Variants in CNR1 observed in about 807,000 individuals in gnomAD.
The protein encoded by CNR1 is cannabinoid receptor 1 (brain).
CNR1 carries 10 observed loss-of-function variants against 23.0 expected under a neutral mutation model. That is an observed-to-expected ratio of 0.43 (90% CI 0.27 to 0.74). The LOEUF is 0.74. Ranked by LOEUF, CNR1 falls within the 30% of genes least tolerant of loss-of-function variation. CNR1 has a pLI of 0.19. For synonymous variants in CNR1, 271 were observed against 255.2 expected (o/e 1.06, Z -0.59); for missense variants, 422 against 618.8 (o/e 0.68, Z 3.37).
chr6:88,153,894 A>G (rs1046002481), intron 1 of CNR1, among the ~76,000 whole-genome samples: 3 of 152,166 alleles, frequency 2.0e-5, no homozygotes, highest in Non-Finnish European at 2.9e-5. Context: ...GTCTTTTCTA[A>G]CTCTTACCTA....
intron 1 of CNR1, 173 bp from the exon 2 acceptor site, chr6:88,145,510 A>G (rs1777134274): frequency 1.9e-6 from 1 of 517,546 alleles, no homozygotes. Context: ...TCACTCAGAG[A>G]AAAGCTCCCC....
At chr6:88,154,444 G>A (rs973181498) in intron 1 of CNR1, among the ~76,000 whole-genome samples, 1 of 152,198 alleles carries the variant, frequency 6.6e-6, no homozygotes, top group African/African-American at 2.4e-5. Flanking sequence ...AAAATCATTT[G>A]TTGATCTGTA....
intron 1 of CNR1, among the ~76,000 whole-genome samples, chr6:88,154,018 T>C (rs1032390562): frequency 2.0e-5 from 3 of 152,198 alleles, no homozygotes; most frequent in African/African-American, 7.2e-5. Context: ...CAAAAATACA[T>C]AATCTTTTTT....
In CNR1 at chr6:88,140,122, A is replaced by G. The variant is rs547331392; in HGVS notation, c.*3734T>C. The G allele has an allele frequency of 6.5e-6, 1 of 152,928 alleles. No homozygotes were observed. Among genetic ancestry groups the G allele is most frequent in the African/African-American group, 2.4e-5 (1 of 41,576 alleles). The allele number at this position is 152,928 out of a possible 1,614,324, so 9.5% of individuals were successfully genotyped here. Reference sequence around the variant, plus strand: ...TATTATACAGATTACTAACGAAGATATTGCAGTGGTTGCAACGATGTTACC... The same window carrying G: ...TATTATACAGATTACTAACGAAGATGTTGCAGTGGTTGCAACGATGTTACC... On this transcript the variant is annotated 3_prime_UTR_variant, in exon 2 of 2. Coordinates refer to ENST00000369501, the MANE Select transcript of CNR1 (RefSeq NM_016083.6).
At chr6:88,166,698 G>T (rs1778383715), upstream of CNR1, among the ~76,000 whole-genome samples, 1 of 152,168 alleles carries the variant, frequency 6.6e-6, no homozygotes. Context: ...TGCATGCGCC[G>T]CCCACGACCT....
At chr6:88,146,858 T>A (rs1213951374) in intron 1 of CNR1, among the ~76,000 whole-genome samples, 1 of 152,220 alleles carries the variant, frequency 6.6e-6, no homozygotes, top group Non-Finnish European at 1.5e-5. Context: ...TAACAATAAA[T>A]GAGTTATTAA....
intron 1 of CNR1, among the ~76,000 whole-genome samples, chr6:88,149,508 G>A (rs1777405112): frequency 6.6e-6 from 1 of 152,214 alleles, no homozygotes; most frequent in Non-Finnish European, 1.5e-5. Flanking sequence ...ACAGAAGACA[G>A]CCACAATGTG....
intron 1 of CNR1, among the ~76,000 whole-genome samples, chr6:88,150,528 C>T (rs1012140186): frequency 1.3e-5 from 2 of 152,114 alleles, no homozygotes; most frequent in South Asian, 2.1e-4. Flanking sequence ...GTTCCATATT[C>T]GTATATAAAA....
intron 1 of CNR1, among the ~76,000 whole-genome samples, chr6:88,146,770 T>C (rs1168405151): frequency 6.6e-6 from 1 of 152,248 alleles, no homozygotes; most frequent in South Asian, 2.1e-4. Flanking sequence ...GCATTTGTTG[T>C]TCCTGAAACA....
At chr6:88,146,975 T>C (rs1337477286) in intron 1 of CNR1, among the ~76,000 whole-genome samples, 1 of 152,116 alleles carries the variant, frequency 6.6e-6, no homozygotes, top group African/African-American at 2.4e-5. Flanking sequence ...TACTAGACAC[T>C]AGTGTTGACA....
intron 1 of CNR1, among the ~76,000 whole-genome samples, chr6:88,147,500 A>G (rs925385823): frequency 2.0e-5 from 3 of 152,252 alleles, no homozygotes; most frequent in Non-Finnish European, 2.9e-5. Flanking sequence ...AGGTAGCATC[A>G]CTGTAGGTGG....
intron 1 of CNR1, among the ~76,000 whole-genome samples, chr6:88,149,336 T>G (rs1777395034): frequency 6.6e-6 from 1 of 152,184 alleles, no homozygotes; most frequent in African/African-American, 2.4e-5. Flanking sequence ...TTCATCTGTC[T>G]GTCTGTCATA....
chr6:88,152,139 C>T (rs943160332), intron 1 of CNR1, among the ~76,000 whole-genome samples: 10 of 146,922 alleles, frequency 6.8e-5, no homozygotes, highest in Non-Finnish European at 1.2e-4. Context: ...GGCGTGAACC[C>T]GGGAGGCGGA....
intron 1 of CNR1, among the ~76,000 whole-genome samples, chr6:88,159,897 T>C (rs1159359873): frequency 6.6e-6 from 1 of 151,914 alleles, no homozygotes; most frequent in Non-Finnish European, 1.5e-5. Flanking sequence ...GTCCCTCATA[T>C]AAAGAATAAA....
In CNR1 at chr6:88,155,352, C is replaced by T. The variant is rs77335256; in HGVS notation, c.-63-10015G>A. On this transcript the variant is annotated intron_variant, in intron 1 of 1. Coordinates refer to ENST00000369501, the MANE Select transcript of CNR1 (RefSeq NM_016083.6). ...GAAACATTTAAACTTTTATTATATG[C>T]CAGTCATGGAAAAAATATATTATTT... Among the ~76,000 whole-genome samples, 294 of 152,232 alleles carry T rather than the reference C, an allele frequency of 1.9e-3. 7 individuals carry two copies. In the East Asian group the frequency reaches 0.052, roughly 27 times the overall value.
intron 1 of CNR1, among the ~76,000 whole-genome samples, chr6:88,145,629 G>T (rs1367938713): frequency 4.6e-5 from 7 of 152,358 alleles, no homozygotes; most frequent in Middle Eastern, 3.4e-3. Flanking sequence ...CCAGGGCCAA[G>T]AAGACTGAAC....
Position 88,166,312 on chromosome 6 carries a change from G to C in CNR1, c.-573C>G, listed in dbSNP as rs959918427. 6.6e-6 allele frequency: 1 copy of C among 152,558 alleles called. No individual in the cohort carries two copies. Among genetic ancestry groups the C allele is most frequent in the East Asian group, 1.9e-4 (1 of 5,168 alleles). 9.5% of individuals were successfully genotyped at this position (152,558 alleles called of 1,614,324 possible). A position where few individuals can be genotyped will look rare whatever the true frequency, so the allele number is the denominator to read the frequency against. On this transcript the variant is annotated 5_prime_UTR_variant, in exon 1 of 2. Transcript: ENST00000369501. Reference sequence around the variant, plus strand: ...GCGCCCGTCGCCTCGTCCCGCTCGCGCAGTCCCTGCCGCTCCCTCCGCTCG... The same window carrying C: ...GCGCCCGTCGCCTCGTCCCGCTCGCCCAGTCCCTGCCGCTCCCTCCGCTCG...
intron 1 of CNR1, among the ~76,000 whole-genome samples, chr6:88,159,177 A>G (rs1377281008): frequency 6.6e-6 from 1 of 152,244 alleles, no homozygotes; most frequent in Non-Finnish European, 1.5e-5. Flanking sequence ...ATTGAGCATA[A>G]CAAGAAAAAA....
At chr6:88,159,116 T>C (rs1401411365) in intron 1 of CNR1, among the ~76,000 whole-genome samples, 3 of 152,238 alleles carry the variant, frequency 2.0e-5, no homozygotes, top group African/African-American at 7.2e-5. Flanking sequence ...CAAAGCTTTA[T>C]AGGGTTGCTA....
Sources: allele counts gnomAD v4.1 joint callset (sites outside exome capture counted in the v4.1 genomes callset), GRCh38; gene constraint gnomAD v4.1.1; transcripts MANE v1.5; gene names NCBI Gene and HGNC (gene_info 2026-07-23, HGNC 2026-07-21).